The following TTC28 variants were observed in gnomAD, a reference collection of about 807,000 sequenced individuals.
The protein encoded by TTC28 is tetratricopeptide repeat domain 28.
A neutral mutation model predicts 198.0 loss-of-function variants in TTC28; 61 were observed. That is an observed-to-expected ratio of 0.31 (90% CI 0.25 to 0.38). TTC28 has a LOEUF of 0.38. Ranked by LOEUF, TTC28 falls within the 10% of genes least tolerant of loss-of-function variation. The pLI, the probability that TTC28 is intolerant of heterozygous loss-of-function variation, is 1.00. For missense variants in TTC28, 2,678 were observed against 3,164.0 expected, an observed-to-expected ratio of 0.85 and a Z score of 3.69; for synonymous variants, 1,171 against 1,297.8, an observed-to-expected ratio of 0.90 and a Z score of 2.10.
chr22:28,625,684 A>T (rs535438835), intron 2 of TTC28, among the ~76,000 whole-genome samples: 23 of 152,324 alleles, frequency 1.5e-4, no homozygotes, highest in African/African-American at 5.5e-4. Flanking sequence ...GAAATTGATA[A>T]GCTGATTCTA....
chr22:28,491,885 A>G (rs1183553903), intron 2 of TTC28, among the ~76,000 whole-genome samples: 2 of 152,232 alleles, frequency 1.3e-5, no homozygotes, highest in African/African-American at 4.8e-5. Flanking sequence ...GATAGACTGG[A>G]TTAAGAAAAT....
chr22:28,089,042 A>G lies in TTC28; in HGVS notation c.3932+5038T>C, dbSNP rs1461822688. Reference sequence around the variant, plus strand: ...GGTGCTGGAGAGGATGTGGAGAAATAGGAACACTTTTACACTGTTGTTGGG... The same window carrying G: ...GGTGCTGGAGAGGATGTGGAGAAATGGGAACACTTTTACACTGTTGTTGGG... On this transcript the variant is annotated intron_variant, in intron 12 of 22. Coordinates refer to ENST00000397906, the MANE Select transcript of TTC28 (RefSeq NM_001145418.2). Among the ~76,000 whole-genome samples the G allele has an allele frequency of 2.0e-5, 3 of 152,230 alleles. No individual in the cohort carries two copies. The South Asian group carries it at 6.2e-4, about 31-fold the overall frequency.
chr22:28,103,377 C>T (rs1048688275), intron 8 of TTC28, among the ~76,000 whole-genome samples: 6 of 152,230 alleles, frequency 3.9e-5, no homozygotes, highest in African/African-American at 1.4e-4. Flanking sequence ...GTTCAAAAGG[C>T]TCAGACCAGG....
In TTC28 at chr22:28,105,382, T is replaced by A. The variant is rs370433703; in HGVS notation, c.3204A>T (p.Ala1068=). ...TCTTGGCCGCCAAGTCATTCATCTG[T>A]GCAGCAATGCTCAAGTGCTGTTCTT... is the stretch of plus-strand genomic sequence containing the variant. The part of the protein sequence containing the change: ...VYQEQHLSIA[A]QMNDLAAKTV... The change falls in exon 8 of 23, where the codon GCA becomes GCT. Residue 1068 remains alanine (A), a synonymous_variant. Coordinates refer to ENST00000397906, the MANE Select transcript of TTC28 (RefSeq NM_001145418.2). 3.1e-5 allele frequency: 48 copies of A among 1,551,722 alleles called. 1 individual carries two copies. The highest frequency in any genetic ancestry group is 2.2e-4 in the East Asian group (9 of 40,924).
At chr22:28,268,348 A>G (rs1931821163) in intron 5 of TTC28, among the ~76,000 whole-genome samples, 1 of 152,204 alleles carries the variant, frequency 6.6e-6, no homozygotes, top group Non-Finnish European at 1.5e-5. Context: ...TCAACAGCAG[A>G]GACAGTGTGG....
intron 2 of TTC28, among the ~76,000 whole-genome samples, chr22:28,525,045 C>T (rs983059425): frequency 6.6e-6 from 1 of 152,124 alleles, no homozygotes; most frequent in African/African-American, 2.4e-5. Context: ...GGGCTTACTG[C>T]TGGGGTTATA....
chr22:28,334,384 G>A (rs1410377564), intron 2 of TTC28, among the ~76,000 whole-genome samples: 2 of 152,146 alleles, frequency 1.3e-5, no homozygotes, highest in Admixed American at 6.5e-5. Flanking sequence ...GGATGGCTGG[G>A]TCAAACGGTA....
At chr22:28,386,741 T>G (rs1177368628) in intron 2 of TTC28, among the ~76,000 whole-genome samples, 1 of 152,216 alleles carries the variant, frequency 6.6e-6, no homozygotes, top group Non-Finnish European at 1.5e-5. Flanking sequence ...TACTACTGCA[T>G]TTTGTCACTT....
At chr22:28,273,888 TA>T (rs1235319973) in intron 5 of TTC28, among the ~76,000 whole-genome samples, 1 of 152,172 alleles carries the variant, frequency 6.6e-6, no homozygotes, top group African/African-American at 2.4e-5. Flanking sequence ...AACATTGAGA[TA>T]GTTTTCAATA....
intron 5 of TTC28, among the ~76,000 whole-genome samples, chr22:28,278,117 T>C (rs113858554): frequency 1.4e-4 from 22 of 152,188 alleles, no homozygotes; most frequent in African/African-American, 5.3e-4. Flanking sequence ...CAGTCCCTAA[T>C]ATGGGTGTAG....
chr22:28,104,906 A>C (rs1305288319), intron 8 of TTC28, among the ~76,000 whole-genome samples: 1 of 152,192 alleles, frequency 6.6e-6, no homozygotes. Flanking sequence ...ATAATTTTTT[A>C]GGATTACATC....
intron 2 of TTC28, among the ~76,000 whole-genome samples, chr22:28,617,988 G>A (rs866741789): frequency 1.3e-5 from 2 of 152,038 alleles, no homozygotes; most frequent in African/African-American, 4.8e-5. Context: ...AATGGCTGTT[G>A]TTGGCCGGGC....
chr22:28,139,902 CAT>C (rs1316469872), intron 6 of TTC28, among the ~76,000 whole-genome samples: 5 of 152,192 alleles, frequency 3.3e-5, no homozygotes, highest in African/African-American at 1.2e-4. Context: ...AATTCATACA[CAT>C]GACTGGGTTC....
intron 2 of TTC28, among the ~76,000 whole-genome samples, chr22:28,484,928 T>G (rs1274626710): frequency 2.0e-5 from 3 of 152,192 alleles, no homozygotes; most frequent in African/African-American, 7.2e-5. Flanking sequence ...ATCTCCCTAA[T>G]GAAAGTATCC....
chr22:27,989,799 C>T, intron 21 of TTC28, 79 bp downstream of exon 21: 1 of 1,497,050 alleles, frequency 6.7e-7, no homozygotes, highest in Non-Finnish European at 9.0e-7. Flanking sequence ...ATACTTTGCC[C>T]AACAGAAACC....
intron 2 of TTC28, among the ~76,000 whole-genome samples, chr22:28,562,595 A>G (rs2049903130): frequency 6.6e-6 from 1 of 152,178 alleles, no homozygotes; most frequent in African/African-American, 2.4e-5. Flanking sequence ...CCATTATCTA[A>G]GCACCTTGTA....
In TTC28 at chr22:28,120,039, A is replaced by G. The variant is rs976587216; in HGVS notation, c.1442-11636T>C. Among the ~76,000 whole-genome samples the G allele has an allele frequency of 3.3e-5, 5 of 152,300 alleles. No homozygotes were observed. In the East Asian group the frequency reaches 9.7e-4, roughly 29 times the overall value. ...AGTATGGGCTTCCTCCTAATTTCAC[A>G]ATGATTATTAATAAGGGAGAGGGGA... On this transcript the variant is annotated intron_variant, in intron 6 of 22. Coordinates refer to ENST00000397906, the MANE Select transcript of TTC28 (RefSeq NM_001145418.2).
chr22:28,087,086 G>A (rs1320816409), intron 12 of TTC28, among the ~76,000 whole-genome samples: 2 of 152,102 alleles, frequency 1.3e-5, no homozygotes, highest in African/African-American at 4.8e-5. Flanking sequence ...AGAGATACAA[G>A]GAGGAACTGG....
At chr22:27,984,183 G>A (rs1366233951) in intron 22 of TTC28, among the ~76,000 whole-genome samples, 1 of 152,040 alleles carries the variant, frequency 6.6e-6, no homozygotes, top group Non-Finnish European at 1.5e-5. Context: ...CCGTGCTCCT[G>A]GGGTGGGGGC....
Sources: gnomAD v4.1 joint callset for allele counts (sites outside exome capture counted in the v4.1 genomes callset) on GRCh38, gnomAD v4.1.1 for gene constraint, MANE v1.5 for transcripts, NCBI Gene and HGNC (gene_info 2026-07-23, HGNC 2026-07-21) for gene names.